USH1C: variants seen among roughly 807,000 people sequenced by gnomAD.
The protein encoded by USH1C is USH1 protein network component harmonin, also known as harmonin.
In USH1C, 90 loss-of-function variants were observed where a neutral mutation model predicts 119.3. The observed-to-expected ratio is 0.75, with a 90% CI of 0.64 to 0.90. USH1C has a LOEUF of 0.90. Among genes scored for constraint, USH1C ranks in the 40% least tolerant of loss-of-function variants. The pLI, the probability that USH1C is intolerant of heterozygous loss-of-function variation, is 0.00. For synonymous variants in USH1C, 465 were observed against 443.3 expected, an observed-to-expected ratio of 1.05 and a Z score of -0.62; for missense variants, 1,165 against 1,167.7, an observed-to-expected ratio of 1.00 and a Z score of 0.03.
At chr11:17,514,978 T>G (rs1433548369) in intron 15 of USH1C, among the ~76,000 whole-genome samples, 1 of 152,122 alleles carries the variant, frequency 6.6e-6, no homozygotes, top group Non-Finnish European at 1.5e-5. Flanking sequence ...CATTTACATG[T>G]TATTAGTGCC....
rs1354933414 is a variant in USH1C at position 17,509,419 on chromosome 11, C to T, written c.1950G>A (p.Lys650=). 2 of 1,606,060 alleles carry T rather than the reference C, an allele frequency of 1.2e-6. No individual in the cohort carries two copies. The highest frequency in any genetic ancestry group is 4.5e-5 in the East Asian group (2 of 44,662). ...AGTTAGTGGGCTTCCCACTGTGGTT[C>T]TTTGCCTCCCAGTCCTCCACTGGAT... The part of the protein sequence containing the change: ...TGNPVEDWEA[K]NHSGKPTNSP... Residue 650 remains lysine (K), a synonymous_variant, in exon 18 of 27, where the codon AAG becomes AAA. Coordinates refer to ENST00000005226, the MANE Select transcript of USH1C (RefSeq NM_153676.4).
At chr11:17,504,579 A>C (rs1849571698) in intron 20 of USH1C, 68 bp downstream of exon 20, 6 of 1,545,278 alleles carry the variant, frequency 3.9e-6, no homozygotes, top group Non-Finnish European at 4.5e-6. Flanking sequence ...GAGAGAAAGA[A>C]GTGGCACAGA....
At chr11:17,539,593 C>T (rs1292472519) in intron 1 of USH1C, among the ~76,000 whole-genome samples, 7 of 152,178 alleles carry the variant, frequency 4.6e-5, no homozygotes, top group African/African-American at 1.7e-4. Flanking sequence ...TCTATATCCA[C>T]AGCAGTGGGC....
chr11:17,495,723 C>T lies in USH1C; in HGVS notation c.2547-46G>A, dbSNP rs754728458. On this transcript the variant is annotated intron_variant, in intron 25 of 26. Coordinates refer to ENST00000005226, the MANE Select transcript of USH1C (RefSeq NM_153676.4). ...AAGAAACACAAAACAGGCTTGGTTACTCCCAGGCAGAGCTCCATGGGGCTT... is the reference window on the plus strand; with the variant it reads ...AAGAAACACAAAACAGGCTTGGTTATTCCCAGGCAGAGCTCCATGGGGCTT... 9.0e-5 allele frequency: 144 copies of T among 1,600,306 alleles called. No individual in the cohort carries two copies. In the East Asian group the frequency reaches 3.2e-3, roughly 36 times the overall value.
rs370567488 is a variant in USH1C, at chr11:17,529,489, C to T, written c.387+1665G>A. Among the ~76,000 whole-genome samples, 23 of 152,356 alleles carry T rather than the reference C, an allele frequency of 1.5e-4. No individual in the cohort carries two copies. In the East Asian group the frequency reaches 1.9e-3, roughly 13 times the overall value. ...TCCCCTGCCTTCCAGCATCTTCTTCCAGTTGCCCTCAGGCATGAGATCTCC... is the reference window on the plus strand; with the variant it reads ...TCCCCTGCCTTCCAGCATCTTCTTCTAGTTGCCCTCAGGCATGAGATCTCC... On this transcript the variant is annotated intron_variant, in intron 4 of 26. Coordinates refer to ENST00000005226, the MANE Select transcript of USH1C (RefSeq NM_153676.4).
chr11:17,511,025 A>T (rs1393649538), intron 16 of USH1C, among the ~76,000 whole-genome samples: 1 of 152,182 alleles, frequency 6.6e-6, no homozygotes, highest in African/African-American at 2.4e-5. Flanking sequence ...AATCTAATCA[A>T]ATTGGCATTC....
At chr11:17,526,716 C>G (rs770154922) in intron 7 of USH1C, 37 bp downstream of exon 7, 3 of 1,607,562 alleles carry the variant, frequency 1.9e-6, no homozygotes, top group South Asian at 2.2e-5. Context: ...TGAAGATGAC[C>G]CCACCCAAAC....
At chr11:17,511,340 G>T (rs369223222) in intron 16 of USH1C, among the ~76,000 whole-genome samples, 1,035 of 37,570 alleles carry the variant, frequency 0.028, 14 homozygotes, top group African/African-American at 0.058. Flanking sequence ...AAGTTGGGTG[G>T]GGGGGGGTCT....
At chr11:17,501,917 G>C (rs752863147) in intron 21 of USH1C, 22 bp downstream of exon 21, 8 of 1,612,844 alleles carry the variant, frequency 5.0e-6, no homozygotes, top group Middle Eastern at 1.7e-4. Context: ...TACTTGTCCA[G>C]GAGAGAAGCG....
chr11:17,526,811 C>T lies in USH1C; in HGVS notation c.522-1G>A. 6.2e-7 allele frequency: 1 copy of T among 1,613,996 alleles called. No individual in the cohort carries two copies. The highest frequency in any genetic ancestry group is 8.5e-7 in the Non-Finnish European group (1 of 1,179,980). ...CCAAGTGAGGGGCTCATCAGGAGAG[C>T]TGATGGGAAGGGAAAATAGATGGGA... On this transcript the variant is annotated splice_acceptor_variant, in intron 6 of 26. Transcript: ENST00000005226. LOFTEE classifies it high-confidence loss of function.
intron 25 of USH1C, among the ~76,000 whole-genome samples, chr11:17,496,221 G>C (rs1028773510): frequency 3.3e-5 from 5 of 152,064 alleles, no homozygotes; most frequent in South Asian, 2.1e-4. Flanking sequence ...AGAAGACAGA[G>C]AGACCCACAG....
chr11:17,521,969 C>T (rs1428424540), intron 12 of USH1C, among the ~76,000 whole-genome samples: 4 of 152,132 alleles, frequency 2.6e-5, no homozygotes, highest in Middle Eastern at 3.2e-3. Context: ...GCTGGGATTA[C>T]AGTCGCATGC....
intron 18 of USH1C, among the ~76,000 whole-genome samples, chr11:17,506,377 C>T (rs541420524): frequency 6.6e-6 from 1 of 152,196 alleles, no homozygotes; most frequent in Non-Finnish European, 1.5e-5. Context: ...CACATAGTCT[C>T]TAGGGGCCAT....
intron 24 of USH1C, 139 bp from the exon 25 acceptor site, chr11:17,496,952 C>T: frequency 1.1e-6 from 1 of 897,690 alleles, no homozygotes; most frequent in Non-Finnish European, 1.7e-6. Context: ...ACCTGGGGCC[C>T]ACTGTGACTT....
intron 14 of USH1C, chr11:17,517,577 C>T (rs1213919125): frequency 6.1e-6 from 7 of 1,150,134 alleles, no homozygotes; most frequent in African/African-American, 4.6e-5. Context: ...AATCAGCTTC[C>T]TCCATGGGAG....
intron 7 of USH1C, 138 bp from the exon 8 acceptor site, chr11:17,526,579 C>T (rs925446791): frequency 2.0e-5 from 23 of 1,128,408 alleles, no homozygotes; most frequent in African/African-American, 7.7e-5. Flanking sequence ...GATGTGTCTG[C>T]ACCAGCTGGG....
At chr11:17,501,573 C>T in intron 21 of USH1C, 38 bp from the exon 22 acceptor site, 1 of 1,599,264 alleles carries the variant, frequency 6.3e-7, no homozygotes, top group East Asian at 2.2e-5. Context: ...TTGAGCTGGC[C>T]TGAAGGATGG....
chr11:17,532,833 G>A (rs1048338345), intron 2 of USH1C, among the ~76,000 whole-genome samples: 5 of 152,170 alleles, frequency 3.3e-5, no homozygotes, highest in African/African-American at 1.2e-4. Flanking sequence ...TCCAGATTCT[G>A]CACAGTGCCC....
Position 17,524,442 on chromosome 11 carries a change from GTCAC to G in USH1C, c.759+5_759+8del. On this transcript the variant is annotated splice_donor_5th_base_variant and intron_variant, in intron 9 of 26. Coordinates refer to ENST00000005226, the MANE Select transcript of USH1C (RefSeq NM_153676.4). ...GGGCCCCCACTGGGGCCGGCCCAGCGTCACTCACCTCCAATCCCACCTCAGCAGA... is the reference window on the plus strand; with the variant it reads ...GGGCCCCCACTGGGGCCGGCCCAGCGTCACCTCCAATCCCACCTCAGCAGA... 1.9e-6 allele frequency: 3 copies of G among 1,567,708 alleles called. No homozygotes were observed. Among genetic ancestry groups the G allele is most frequent in the Non-Finnish European group, 1.7e-6 (2 of 1,154,984 alleles).
Sources: allele counts gnomAD v4.1 joint callset (sites outside exome capture counted in the v4.1 genomes callset), GRCh38; gene constraint gnomAD v4.1.1; transcripts MANE v1.5; gene names NCBI Gene and HGNC (gene_info 2026-07-23, HGNC 2026-07-21).